FPR3: variants seen among roughly 807,000 people sequenced by gnomAD.
FPR3 encodes N-formyl peptide receptor 3.
For synonymous variants in FPR3, 135 were observed against 163.6 expected (o/e 0.83, Z 1.34); for missense variants, 346 against 443.2 (o/e 0.78, Z 1.97).
intron 1 of FPR3, among the ~76,000 whole-genome samples, chr19:51,817,260 C>T (rs1481739313): frequency 6.6e-6 from 1 of 152,152 alleles, no homozygotes; most frequent in Admixed American, 6.5e-5. Flanking sequence ...AATCACAGGA[C>T]ACCATTGGTT....
At chr19:51,803,995 C>T (rs1284882133) in intron 1 of FPR3, 1 of 152,142 alleles carries the variant, frequency 6.6e-6, no homozygotes, top group Non-Finnish European at 1.5e-5. Context: ...TTGGGGATCT[C>T]ATCCTTGGGA....
Position 51,824,714 on chromosome 19 carries a change from G to A in FPR3, c.966G>A (p.Glu322=). Residue 322 remains glutamate (E), a synonymous_variant, in exon 2 of 2, where the codon GAG becomes GAA. Coordinates refer to ENST00000339223, the MANE Select transcript of FPR3 (RefSeq NM_002030.5). The surrounding 1 kb of genome is among the most constrained non-coding windows in gnomAD (Gnocchi z 4.7). ...TTCGCTCTTTGCCCACTAGTTTGGAGAGGGCCCTGACTGAGGTCCCTGACT... is the reference window on the plus strand; with the variant it reads ...TTCGCTCTTTGCCCACTAGTTTGGAAAGGGCCCTGACTGAGGTCCCTGACT... ...RLIRSLPTSL[E]RALTEVPDSA... 1.2e-6 allele frequency: 2 copies of A among 1,614,068 alleles called. No homozygotes were observed. The highest frequency in any genetic ancestry group is 1.7e-6 in the Non-Finnish European group (2 of 1,180,002).
chr19:51,809,230 A>C (rs1226883511), intron 1 of FPR3, among the ~76,000 whole-genome samples: 1 of 152,236 alleles, frequency 6.6e-6, no homozygotes, highest in Non-Finnish European at 1.5e-5. Flanking sequence ...TGAAAAGTAC[A>C]TGACTGTCCA....
At chr19:51,802,596 T>C (rs1209016676) in intron 1 of FPR3, among the ~76,000 whole-genome samples, 3 of 152,120 alleles carry the variant, frequency 2.0e-5, no homozygotes, top group East Asian at 3.8e-4. Context: ...GGAAAAAAAC[T>C]ACAAGAAAAC....
intron 1 of FPR3, among the ~76,000 whole-genome samples, chr19:51,802,953 G>A (rs900038402): frequency 5.9e-5 from 9 of 151,970 alleles, no homozygotes; most frequent in Non-Finnish European, 7.4e-5. Context: ...CTGTCTGAGG[G>A]CAGGAATTGT....
rs766474536 is a variant in FPR3 at position 51,824,812 on chromosome 19, G to A, written c.*2G>A. 1.2e-6 allele frequency: 2 copies of A among 1,600,038 alleles called. No homozygotes were observed. Among genetic ancestry groups the A allele is most frequent in the Non-Finnish European group, 1.7e-6 (2 of 1,172,176 alleles). On this transcript the variant is annotated 3_prime_UTR_variant, in exon 2 of 2. Transcript: ENST00000339223. This position sits in a 1 kb window ranked among gnomAD's most constrained non-coding sequence, Gnocchi z 4.7. ...GAGACGGAGTTACAAGCAATGTGAG[G>A]TCGGGGATATTTTTGGGCTCTGTCT...
rs115949826 is a variant in FPR3, at chr19:51,798,706, A to G, written c.-11+3375A>G. On this transcript the variant is annotated intron_variant, in intron 1 of 1. Coordinates refer to ENST00000339223, the MANE Select transcript of FPR3 (RefSeq NM_002030.5). Reference sequence around the variant, plus strand: ...CCTGGGCCATGGATTCTCCCTAGTAAAAAAGGGATGATGATGGCTGCCTCA... The same window carrying G: ...CCTGGGCCATGGATTCTCCCTAGTAGAAAAGGGATGATGATGGCTGCCTCA... 2.6e-3 allele frequency among the ~76,000 whole-genome samples: 396 copies of G among 152,272 alleles called. 2 individuals carry two copies. The highest frequency in any genetic ancestry group is 0.02 in the Middle Eastern group (6 of 294).
intron 1 of FPR3, among the ~76,000 whole-genome samples, chr19:51,802,399 T>A (rs951945956): frequency 7.2e-5 from 11 of 152,180 alleles, no homozygotes; most frequent in African/African-American, 2.2e-4. Context: ...CCTACCCTCA[T>A]GCCAGTCCCA....
chr19:51,801,689 G>A (rs898614520), intron 1 of FPR3, among the ~76,000 whole-genome samples: 1 of 152,164 alleles, frequency 6.6e-6, no homozygotes, highest in Non-Finnish European at 1.5e-5. Flanking sequence ...GCTGAGGCAG[G>A]ACAATTGCTT....
At chr19:51,816,707 T>C (rs959805050) in intron 1 of FPR3, among the ~76,000 whole-genome samples, 5 of 152,192 alleles carry the variant, frequency 3.3e-5, no homozygotes, top group African/African-American at 1.2e-4. Context: ...GGGACTTGCA[T>C]TGGTATCTGA....
intron 1 of FPR3, among the ~76,000 whole-genome samples, chr19:51,798,183 C>T (rs1198882371): frequency 6.6e-6 from 1 of 152,052 alleles, no homozygotes; most frequent in East Asian, 1.9e-4. Context: ...AAGCCTGGTA[C>T]TCTTTACACT....
chr19:51,816,317 G>A lies in FPR3; in HGVS notation c.-10-7422G>A, dbSNP rs530373397. On this transcript the variant is annotated intron_variant, in intron 1 of 1. Coordinates refer to ENST00000339223, the MANE Select transcript of FPR3 (RefSeq NM_002030.5). ...GCTTGGAGTACAGTGGCATGATCTC[G>A]GCTGACTACAACCTCTTCTTCCTGG... 7.9e-5 allele frequency among the ~76,000 whole-genome samples: 12 copies of A among 152,144 alleles called. No homozygotes were observed. In the South Asian group the frequency reaches 1.0e-3, roughly 13 times the overall value.
rs1185195948 is a variant in FPR3, at chr19:51,824,764, C to T, written c.1016C>T (p.Thr339Ile). ...TCAGCCCAGACCAGCAACACAGACA[C>T]CACTTCTGCTTCACCTCCTGAGGAG... ...PDSAQTSNTD[T>I]TSASPPEETE... The change falls in exon 2 of 2, where the codon ACC (threonine) becomes ATC (isoleucine). Residue 339 changes from threonine to isoleucine, a missense_variant. Transcript: ENST00000339223. This position sits in a 1 kb window ranked among gnomAD's most constrained non-coding sequence, Gnocchi z 4.7. The T allele has an allele frequency of 1.9e-6, 3 of 1,613,786 alleles. No individual in the cohort carries two copies. In the Admixed American group the frequency reaches 5.0e-5, roughly 27 times the overall value.
At chr19:51,795,505 T>C (rs12609429) in intron 1 of FPR3, among the ~76,000 whole-genome samples, 174 bp downstream of exon 1, 3,812 of 48,402 alleles carry the variant, frequency 0.079, 181 homozygotes, top group East Asian at 0.1. Context: ...AGTAACATTC[T>C]TTTTTTTTTT....
intron 1 of FPR3, among the ~76,000 whole-genome samples, chr19:51,800,387 A>T (rs1204676723): frequency 6.6e-6 from 1 of 152,242 alleles, no homozygotes; most frequent in African/African-American, 2.4e-5. Context: ...AAATGCAGGC[A>T]TTTATGTCCA....
chr19:51,824,846 C>T lies in FPR3; in HGVS notation c.*36C>T. The T allele has an allele frequency of 6.6e-7, 1 of 1,518,008 alleles. No individual in the cohort carries two copies. The highest frequency in any genetic ancestry group is 8.9e-7 in the Non-Finnish European group (1 of 1,127,096). The allele number at this position is 1,518,008 out of a possible 1,614,324, so 94.0% of individuals were successfully genotyped here. A position where few individuals can be genotyped will look rare whatever the true frequency, so the allele number is the denominator to read the frequency against. On this transcript the variant is annotated 3_prime_UTR_variant, in exon 2 of 2. Transcript: ENST00000339223. This position sits in a 1 kb window ranked among gnomAD's most constrained non-coding sequence, Gnocchi z 4.7. ...ATTTTTGGGCTCTGTCTCTTTCTAC[C>T]CTGCGTTAAGCGGAAAAAAAAAATT...
intron 1 of FPR3, among the ~76,000 whole-genome samples, chr19:51,805,796 G>A (rs558528935): frequency 4.1e-4 from 63 of 152,240 alleles, no homozygotes; most frequent in Middle Eastern, 6.8e-3. Flanking sequence ...CCAAGGAAAC[G>A]ATAGCAAAAA....
chr19:51,824,303 C>A lies in FPR3; in HGVS notation c.555C>A (p.Asp185Glu), dbSNP rs2084214141. The change falls in exon 2 of 2, where the codon GAC (aspartate) becomes GAA (glutamate). Residue 185 changes from aspartate to glutamate, a missense_variant. Coordinates refer to ENST00000339223, the MANE Select transcript of FPR3 (RefSeq NM_002030.5). This position sits in a 1 kb window ranked among gnomAD's most constrained non-coding sequence, Gnocchi z 4.7. ...YCIFNFAFWGDTAVERLNVFI... is the reference protein window; with the variant it reads ...YCIFNFAFWGETAVERLNVFI... ...TTTTCAACTTTGCATTCTGGGGTGA[C>A]ACTGCTGTAGAGAGGTTGAACGTGT... The A allele has an allele frequency of 6.2e-7, 1 of 1,614,142 alleles. No homozygotes were observed.
intron 1 of FPR3, among the ~76,000 whole-genome samples, chr19:51,803,611 A>G (rs2084039229): frequency 6.7e-6 from 1 of 148,794 alleles, no homozygotes; most frequent in Non-Finnish European, 1.5e-5. Context: ...AAAAAAAAAA[A>G]ATGTATATTC....
Sources: gnomAD v4.1 joint callset for allele counts (sites outside exome capture counted in the v4.1 genomes callset) on GRCh38, gnomAD v4.1.1 for gene constraint, Gnocchi (gnomAD v3.1) non-coding constraint, MANE v1.5 for transcripts, NCBI Gene and HGNC (gene_info 2026-07-23, HGNC 2026-07-21) for gene names.